Variants in PIK3C2B observed in about 807,000 individuals in gnomAD.
PIK3C2B encodes the protein phosphatidylinositol 4-phosphate 3-kinase C2 domain-containing subunit beta.
Under a neutral mutation model 184.3 loss-of-function variants are expected in PIK3C2B, and 83 were observed. The observed-to-expected ratio is 0.45, with a 90% CI of 0.38 to 0.54. PIK3C2B has a LOEUF of 0.54. Ranked by LOEUF, PIK3C2B falls within the 20% of genes least tolerant of loss-of-function variation. The pLI is 0.00. For missense variants in PIK3C2B, 1,736 were observed against 2,113.5 expected, an observed-to-expected ratio of 0.82 and a Z score of 3.50; for synonymous variants, 779 against 837.6, an observed-to-expected ratio of 0.93 and a Z score of 1.21.
At chr1:204,441,712 A>C in intron 20 of PIK3C2B, 149 bp from the exon 21 acceptor site, 1 of 556,290 alleles carries the variant, frequency 1.8e-6, no homozygotes, top group Non-Finnish European at 3.2e-6. Context: ...TTTCCCAGAA[A>C]CCCAATTTCC....
rs774503126 is a variant in PIK3C2B, at chr1:204,429,230, AAAAC to A, written c.4398+687_4398+690del. Among the ~76,000 whole-genome samples the A allele has an allele frequency of 3.3e-5, 5 of 152,284 alleles. No individual in the cohort carries two copies. In the East Asian group the frequency reaches 9.6e-4, roughly 29 times the overall value. On this transcript the variant is annotated intron_variant, in intron 29 of 32. Transcript: ENST00000684373. ...ATGACAGGGCAAGATCCTGTCTCAA[AAAAC>A]AAACAAACTGTGTGAAAATACTCAC...
intron 1 of PIK3C2B, among the ~76,000 whole-genome samples, chr1:204,482,991 A>C (rs912320182): frequency 6.6e-6 from 1 of 152,042 alleles, no homozygotes; most frequent in Non-Finnish European, 1.5e-5. Context: ...GCTCACCTGC[A>C]CGTACAGCGT....
In PIK3C2B at chr1:204,427,723, C is replaced by T; in HGVS notation, c.4512G>A (p.Val1504=). The T allele has an allele frequency of 6.2e-7, 1 of 1,614,116 alleles. No homozygotes were observed. Among genetic ancestry groups the T allele is most frequent in the Non-Finnish European group, 8.5e-7 (1 of 1,179,918 alleles). Residue 1504 remains valine (V), a synonymous_variant, in exon 31 of 33, where the codon GTG becomes GTA. Transcript: ENST00000684373. ...DGTWARPVGK[V]GGEVKLSISY... ...AGATGGACAGCTTCACCTCCCCTCC[C>T]ACCTTTCCGACGGGCCGGGCCCATG...
chr1:204,491,905 CCCT>C (rs1403041930), intron 1 of PIK3C2B, among the ~76,000 whole-genome samples: 3 of 152,194 alleles, frequency 2.0e-5, no homozygotes, highest in East Asian at 3.8e-4. Flanking sequence ...AGGTGTTTAT[CCCT>C]CCTCAATTCC....
rs61758000 is a variant in PIK3C2B, at chr1:204,432,895, C to T, written c.3953+421G>A. ...TCATAGATAAACACATCCTTGCTTTCACACACAGTGTACCTAAAAACATTG... is the reference window on the plus strand; with the variant it reads ...TCATAGATAAACACATCCTTGCTTTTACACACAGTGTACCTAAAAACATTG... On this transcript the variant is annotated intron_variant, in intron 26 of 32. Coordinates refer to ENST00000684373, the MANE Select transcript of PIK3C2B (RefSeq NM_001377334.1). 7.3e-3 allele frequency among the ~76,000 whole-genome samples: 1,116 copies of T among 152,312 alleles called. 12 individuals carry two copies. Among genetic ancestry groups the T allele is most frequent in the African/African-American group, 0.025 (1,044 of 41,570 alleles).
chr1:204,479,687 C>A (rs1304103058), intron 1 of PIK3C2B, among the ~76,000 whole-genome samples: 4 of 152,232 alleles, frequency 2.6e-5, no homozygotes, highest in African/African-American at 9.6e-5. Flanking sequence ...TGCCTCGATA[C>A]AGCATTTGCT....
rs1343811984 is a variant in PIK3C2B at position 204,434,560 on chromosome 1, A to G, written c.3565T>C (p.Tyr1189His). The change falls in exon 24 of 33, where the codon TAC (tyrosine) becomes CAC (histidine). Residue 1189 changes from tyrosine (Y) to histidine (H), a missense_variant. Transcript: ENST00000684373. ...TGTCGGTCACAGATGCCCAAGACGT[A>G]CGTGGCCACGCAGCAGCCAGCGCAG... ...YSCAGCCVATYVLGICDRHND... is the reference protein window; with the variant it reads ...YSCAGCCVATHVLGICDRHND... The G allele has an allele frequency of 6.2e-7, 1 of 1,614,018 alleles. No homozygotes were observed. The highest frequency in any genetic ancestry group is 8.5e-7 in the Non-Finnish European group (1 of 1,179,960).
At chr1:204,460,692 A>G in intron 5 of PIK3C2B, 31 bp from the exon 6 acceptor site, 1 of 1,378,386 alleles carries the variant, frequency 7.3e-7, no homozygotes, top group Non-Finnish European at 1.0e-6. Flanking sequence ...GACCATTAGC[A>G]TCCTGGGGAC....
At position 204,460,546 on chromosome 1, in the gene PIK3C2B, G is replaced by T. The variant is rs373022234; in HGVS notation, c.1422+4C>A. On this transcript the variant is annotated splice_donor_region_variant and intron_variant, in intron 6 of 32. Coordinates refer to ENST00000684373, the MANE Select transcript of PIK3C2B (RefSeq NM_001377334.1). ...GGGCAACCCTCCACCACCCTCACAC[G>T]AACCGTCCGGGCCAGGTCACTGCGC... The T allele has an allele frequency of 6.2e-7, 1 of 1,611,292 alleles. No homozygotes were observed. Among genetic ancestry groups the T allele is most frequent in the Non-Finnish European group, 8.5e-7 (1 of 1,177,744 alleles).
chr1:204,457,134 G>T, intron 9 of PIK3C2B, 64 bp from the exon 10 acceptor site: 1 of 1,424,624 alleles, frequency 7.0e-7, no homozygotes, highest in South Asian at 1.3e-5. Flanking sequence ...ACAGCTGGAA[G>T]AAGGGCTTTT....
chr1:204,440,349 C>CTAA (rs753533326), intron 21 of PIK3C2B, 28 bp from the exon 22 acceptor site: 1 of 1,549,764 alleles, frequency 6.5e-7, no homozygotes. Flanking sequence ...GTGACCAGAT[C>CTAA]TAATCTCCAC....
In PIK3C2B at chr1:204,433,266, G is replaced by C; in HGVS notation, c.3953+50C>G. On this transcript the variant is annotated intron_variant, in intron 26 of 32. Coordinates refer to ENST00000684373, the MANE Select transcript of PIK3C2B (RefSeq NM_001377334.1). The surrounding 1 kb of genome is among the most constrained non-coding windows in gnomAD (Gnocchi z 5.0). ...CCTCCTCCTGCCAATCCGGCAGGCT[G>C]GGAATTACTCAGGGTGGGCAGTGCT... is the stretch of plus-strand genomic sequence containing the variant. 1 of 999,388 alleles carries C rather than the reference G, an allele frequency of 1.0e-6. No individual in the cohort carries two copies. The highest frequency in any genetic ancestry group is 1.6e-5 in the African/African-American group (1 of 62,578). 61.9% of individuals were successfully genotyped at this position (999,388 alleles called of 1,614,324 possible). A position where few individuals can be genotyped will look rare whatever the true frequency, so the allele number is the denominator to read the frequency against.
chr1:204,448,401 C>A (rs760101123), intron 14 of PIK3C2B, among the ~76,000 whole-genome samples: 2 of 152,172 alleles, frequency 1.3e-5, no homozygotes, highest in Non-Finnish European at 2.9e-5. Flanking sequence ...CACACCCAGC[C>A]TCATTCAACA....
rs747174511 is a variant in PIK3C2B, at chr1:204,455,953, G to A, written c.1846C>T (p.Arg616Cys). The change falls in exon 11 of 33, where the codon CGC becomes TGC. Residue 616 changes from arginine to cysteine, a missense_variant. This residue lies in a region of PIK3C2B where 609 missense variants were observed against 699.2 expected (regional missense o/e 0.87). Coordinates refer to ENST00000684373, the MANE Select transcript of PIK3C2B (RefSeq NM_001377334.1). ...ADFQTAVPGSRKHDLVQEACH... is the reference protein window; with the variant it reads ...ADFQTAVPGSCKHDLVQEACH... ...GCCTCCTGGACCAGGTCATGCTTGC[G>A]GCTCCCGGGCACTGCCGTCTGGAAG... is the stretch of plus-strand genomic sequence containing the variant. 1.1e-5 allele frequency: 18 copies of A among 1,614,184 alleles called. No homozygotes were observed. The Middle Eastern group carries it at 6.6e-4, about 59-fold the overall frequency.
At chr1:204,439,702 A>G (rs993334916) in intron 22 of PIK3C2B, among the ~76,000 whole-genome samples, 2 of 152,080 alleles carry the variant, frequency 1.3e-5, no homozygotes, top group Admixed American at 6.6e-5. Flanking sequence ...TGGCACCATC[A>G]TGGCTTACTG....
intron 2 of PIK3C2B, 62 bp from the exon 3 acceptor site, chr1:204,465,381 T>C (rs1241253186): frequency 5.1e-6 from 5 of 990,006 alleles, no homozygotes; most frequent in Non-Finnish European, 8.1e-6. Context: ...CCCTATGAGG[T>C]ACTCCAGACC....
chr1:204,463,040 G>C (rs942947045), intron 5 of PIK3C2B, among the ~76,000 whole-genome samples: 12 of 152,126 alleles, frequency 7.9e-5, no homozygotes, highest in African/African-American at 2.9e-4. Context: ...CAGCCTGCAC[G>C]ACAGAGTGAG....
rs751633435 is a variant in PIK3C2B at position 204,456,043 on chromosome 1, C to T, written c.1756G>A (p.Val586Met). 15 of 1,612,376 alleles carry T rather than the reference C, an allele frequency of 9.3e-6. No homozygotes were observed. Among genetic ancestry groups the T allele is most frequent in the African/African-American group, 2.7e-5 (2 of 75,006 alleles). ...AAGATGGCAGCGGTCAGGGCTTCCACGACCTTCTCTGGGAAGGGAAGGGGT... is the reference window on the plus strand; with the variant it reads ...AAGATGGCAGCGGTCAGGGCTTCCATGACCTTCTCTGGGAAGGGAAGGGGT... Reference protein sequence around the residue: ...LAVRENREKVVEALTAAILDL... With the variant: ...LAVRENREKVMEALTAAILDL... The change falls in exon 11 of 33, where the codon GTG becomes ATG. Residue 586 changes from valine (V) to methionine (M), a missense_variant. Physicochemically the swap from Val to Met is conservative, Grantham distance 21. Around this residue, in one of 8 missense-constraint regions of PIK3C2B, gnomAD observed 609 missense variants for 699.2 expected, o/e 0.87. Transcript: ENST00000684373.
At chr1:204,483,958 A>G (rs1657391274) in intron 1 of PIK3C2B, among the ~76,000 whole-genome samples, 1 of 152,188 alleles carries the variant, frequency 6.6e-6, no homozygotes, top group Admixed American at 6.5e-5. Flanking sequence ...GTGACCGTGT[A>G]AGCATCCGGC....
Sources: allele counts gnomAD v4.1 joint callset (sites outside exome capture counted in the v4.1 genomes callset), GRCh38; gene constraint gnomAD v4.1.1; regional missense constraint gnomAD v4.1.1; non-coding constraint Gnocchi (gnomAD v3.1); transcripts MANE v1.5; gene names NCBI Gene and HGNC (gene_info 2026-07-23, HGNC 2026-07-21).